Variants in PCDHA3 observed in about 807,000 individuals in gnomAD.
PCDHA3 encodes protocadherin alpha-3.
Under a neutral mutation model 62.2 loss-of-function variants are expected in PCDHA3, and 41 were observed. The ratio of observed to expected loss-of-function variants is 0.66; its 90% CI spans 0.51 to 0.86. The LOEUF (loss-of-function observed/expected upper bound fraction) is 0.86, where lower values mean the gene tolerates loss of function less well. Ranked by LOEUF, PCDHA3 falls within the 40% of genes least tolerant of loss-of-function variation. The pLI is 0.00. For missense variants in PCDHA3, 1,304 were observed against 1,241.2 expected (o/e 1.05, Z -0.76); for synonymous variants, 640 against 555.4 (o/e 1.15, Z -2.14).
intron 3 of PCDHA3, among the ~76,000 whole-genome samples, chr5:140,995,219 GT>G (rs1554254532): frequency 6.6e-6 from 1 of 152,072 alleles, no homozygotes; most frequent in East Asian, 1.9e-4. Flanking sequence ...CAATACTCTT[GT>G]GCTTTGGGGC....
At position 140,877,496 on chromosome 5, in the gene PCDHA3, C is replaced by T. The variant is rs563591404; in HGVS notation, c.2394+73905C>T. On this transcript the variant is annotated intron_variant, in intron 1 of 3. Transcript: ENST00000522353. ...GTGTCGCTGGTGGAGAACGGCCAGG[C>T]CCCAAAGACGTCGTCGCGGGCCTCA... 24 of 1,613,862 alleles carry T rather than the reference C, an allele frequency of 1.5e-5. No individual in the cohort carries two copies. In the East Asian group the frequency reaches 4.9e-4, roughly 33 times the overall value.
intron 1 of PCDHA3, chr5:140,808,841 C>A (rs1554124838): frequency 1.2e-6 from 2 of 1,613,098 alleles, no homozygotes; most frequent in South Asian, 1.1e-5. Flanking sequence ...CGTGACGCTG[C>A]AGGTGTTCGT....
At chr5:141,002,342 C>A (rs1047277199) in intron 3 of PCDHA3, among the ~76,000 whole-genome samples, 3 of 152,070 alleles carry the variant, frequency 2.0e-5, no homozygotes, top group African/African-American at 4.8e-5. Flanking sequence ...CGCACCCCTT[C>A]CCCCACCTCC....
intron 1 of PCDHA3, among the ~76,000 whole-genome samples, chr5:140,872,240 T>A (rs2053559781): frequency 6.6e-6 from 1 of 152,178 alleles, no homozygotes; most frequent in Non-Finnish European, 1.5e-5. Flanking sequence ...TTGTCTTTAT[T>A]CCTGTGATAA....
intron 1 of PCDHA3, chr5:140,807,285 A>G (rs782331571): frequency 5.0e-6 from 8 of 1,614,116 alleles, no homozygotes; most frequent in Non-Finnish European, 5.1e-6. Flanking sequence ...CAGCTCCACT[A>G]CTCGGTCTCC....
chr5:140,936,834 T>TA (rs1554211213), intron 1 of PCDHA3, among the ~76,000 whole-genome samples: 1 of 152,210 alleles, frequency 6.6e-6, no homozygotes, highest in African/African-American at 2.4e-5. Context: ...CATTTCTATA[T>TA]AAATTGTAGA....
intron 1 of PCDHA3, among the ~76,000 whole-genome samples, chr5:140,915,155 G>T (rs941034401): frequency 1.3e-5 from 2 of 151,934 alleles, no homozygotes; most frequent in Non-Finnish European, 2.9e-5. Flanking sequence ...CACCATGTTG[G>T]CCAGGATAGT....
chr5:140,903,525 C>T (rs1322141732), intron 1 of PCDHA3, among the ~76,000 whole-genome samples: 1 of 152,164 alleles, frequency 6.6e-6, no homozygotes, highest in African/African-American at 2.4e-5. Context: ...GTGTTGTTCA[C>T]TTTAAACTAG....
intron 1 of PCDHA3, chr5:140,804,329 T>C (rs2149977825): frequency 6.6e-6 from 1 of 152,212 alleles, no homozygotes; most frequent in South Asian, 2.1e-4. Context: ...ACTTTAATAA[T>C]ACTACTGTAT....
At chr5:140,968,867 T>C (rs2153774451) in intron 1 of PCDHA3, 2 of 1,614,188 alleles carry the variant, frequency 1.2e-6, no homozygotes, top group Non-Finnish European at 1.7e-6. Flanking sequence ...CCCTCGGACA[T>C]ACTCTGAAAT....
intron 1 of PCDHA3, chr5:140,927,159 C>G (rs782468229): frequency 6.2e-7 from 1 of 1,614,046 alleles, no homozygotes; most frequent in Non-Finnish European, 8.5e-7. Context: ...TGTGCAGGGC[C>G]AAAGCTGCCT....
chr5:140,867,480 G>T (rs1447452971), intron 1 of PCDHA3: 1 of 152,028 alleles, frequency 6.6e-6, no homozygotes, highest in African/African-American at 2.4e-5. Context: ...TGGGAAAAGA[G>T]TAAATATGAA....
At chr5:140,850,812 A>T in intron 1 of PCDHA3, 1 of 1,598,316 alleles carries the variant, frequency 6.3e-7, no homozygotes, top group Non-Finnish European at 8.6e-7. Context: ...CATGGCCTTC[A>T]GCCCGGGCCT....
intron 1 of PCDHA3, chr5:140,853,114 C>G: frequency 6.6e-6 from 3 of 456,918 alleles, no homozygotes; most frequent in Non-Finnish European, 8.8e-6. Flanking sequence ...CTCCTGACCT[C>G]ATGATCCTCC....
chr5:140,882,288 G>C (rs1554173426), intron 1 of PCDHA3: 2 of 1,613,210 alleles, frequency 1.2e-6, no homozygotes, highest in East Asian at 2.2e-5. Flanking sequence ...TCCTGGCAAG[G>C]AGGCCCAAGA....
chr5:140,976,888 A>G (rs1050816491), intron 1 of PCDHA3, among the ~76,000 whole-genome samples: 1 of 152,218 alleles, frequency 6.6e-6, no homozygotes, highest in African/African-American at 2.4e-5. Context: ...ATTAGGATAC[A>G]TGCAACAGTA....
At chr5:140,902,558 T>G (rs2069554536) in intron 1 of PCDHA3, among the ~76,000 whole-genome samples, 2 of 152,242 alleles carry the variant, frequency 1.3e-5, no homozygotes, top group South Asian at 4.1e-4. Context: ...ACCCAGATTT[T>G]TGAGGGTTTT....
At chr5:140,926,255 G>T (rs562420240) in intron 1 of PCDHA3, 1 of 152,224 alleles carries the variant, frequency 6.6e-6, no homozygotes, top group African/African-American at 2.4e-5. Flanking sequence ...TCACCGTCCC[G>T]CCTCTCGCCG....
chr5:140,829,381 G>A (rs2150166852), intron 1 of PCDHA3: 10 of 1,614,200 alleles, frequency 6.2e-6, no homozygotes, highest in African/African-American at 1.3e-5. Context: ...CGCGGGACGG[G>A]GGCTCGCCTT....
Sources: allele counts gnomAD v4.1 joint callset (sites outside exome capture counted in the v4.1 genomes callset), GRCh38; gene constraint gnomAD v4.1.1; transcripts MANE v1.5; gene names NCBI Gene and HGNC (gene_info 2026-07-23, HGNC 2026-07-21).